Variants in NRXN3 observed in about 807,000 individuals in gnomAD.
NRXN3 encodes the protein neurexin III.
In NRXN3, 32 loss-of-function variants were observed where a neutral mutation model predicts 137.6. The ratio of observed to expected loss-of-function variants is 0.23; its 90% CI spans 0.18 to 0.31. The LOEUF (loss-of-function observed/expected upper bound fraction) is 0.31. NRXN3 is among the 10% of genes least tolerant of loss of function. NRXN3 has a pLI of 1.00. For missense variants in NRXN3, 1,574 were observed against 2,062.5 expected, an observed-to-expected ratio of 0.76 and a Z score of 4.59; for synonymous variants, 798 against 784.5, an observed-to-expected ratio of 1.02 and a Z score of -0.29.
At chr14:78,528,889 T>C (rs987467845) in intron 4 of NRXN3, among the ~76,000 whole-genome samples, 13 of 152,158 alleles carry the variant, frequency 8.5e-5, no homozygotes, top group Non-Finnish European at 1.8e-4. Flanking sequence ...CCCCCTTAAA[T>C]TTTCTGCCTG....
At chr14:78,701,216 G>A (rs1158034389) in intron 6 of NRXN3, among the ~76,000 whole-genome samples, 2 of 152,194 alleles carry the variant, frequency 1.3e-5, no homozygotes, top group African/African-American at 2.4e-5. Flanking sequence ...ATTCAATAAG[G>A]CAAAGGGTCA....
intron 4 of NRXN3, among the ~76,000 whole-genome samples, chr14:78,495,474 A>G (rs973647796): frequency 3.3e-5 from 5 of 152,180 alleles, no homozygotes; most frequent in Non-Finnish European, 4.4e-5. Context: ...TTGGTTGAAC[A>G]CACACTATGT....
chr14:79,052,138 G>T (rs554190908), intron 15 of NRXN3, among the ~76,000 whole-genome samples: 4 of 152,244 alleles, frequency 2.6e-5, no homozygotes, highest in African/African-American at 9.6e-5. Flanking sequence ...ATGCAGTTGG[G>T]CAGAGCTGCC....
At chr14:79,631,298 A>G (rs2098342072) in intron 16 of NRXN3, among the ~76,000 whole-genome samples, 1 of 152,270 alleles carries the variant, frequency 6.6e-6, no homozygotes, top group Admixed American at 6.5e-5. Context: ...GAGAGGTGAC[A>G]ACGTGCTAGC....
intron 16 of NRXN3, among the ~76,000 whole-genome samples, chr14:79,516,412 T>C (rs956040846): frequency 2.6e-5 from 4 of 152,166 alleles, no homozygotes; most frequent in Admixed American, 2.6e-4. Flanking sequence ...AAATTGTCAC[T>C]GGCTGCTCAA....
At chr14:78,694,215 C>G (rs2098202624) in intron 6 of NRXN3, among the ~76,000 whole-genome samples, 1 of 151,964 alleles carries the variant, frequency 6.6e-6, no homozygotes, top group African/African-American at 2.4e-5. Context: ...GTCTCCTCTT[C>G]TAAAAGAAGG....
At chr14:79,854,577 A>G (rs1393782926) in intron 20 of NRXN3, among the ~76,000 whole-genome samples, 1 of 152,178 alleles carries the variant, frequency 6.6e-6, no homozygotes, top group Non-Finnish European at 1.5e-5. Context: ...CCACCCAAAG[A>G]AAGCCTGGCC....
intron 15 of NRXN3, among the ~76,000 whole-genome samples, chr14:79,273,485 T>C (rs2153429579): frequency 6.6e-6 from 1 of 150,890 alleles, no homozygotes; most frequent in East Asian, 2.0e-4. Context: ...ATACAAAACA[T>C]TAGCCAGGCG....
At chr14:79,645,368 C>T (rs1429285045) in intron 16 of NRXN3, among the ~76,000 whole-genome samples, 2 of 134,770 alleles carry the variant, frequency 1.5e-5, no homozygotes, top group African/African-American at 4.9e-5. Context: ...ATAATCCCAG[C>T]ATTTTGGGAG....
chr14:78,714,949 G>T lies in NRXN3; in HGVS notation c.1854G>T (p.Gly618=). The change falls in exon 8 of 21, where the codon GGG becomes GGT. Residue 618 remains glycine (G), a synonymous_variant. Coordinates refer to ENST00000335750, the MANE Select transcript of NRXN3 (RefSeq NM_001330195.2). ...GCATCCGCGACCTATTCATTGATGG[G>T]CGCAGCAAGAACATTCGACAGCTGG... ...VGCIRDLFID[G]RSKNIRQLAE... is the part of the protein sequence containing the mutation. The T allele has an allele frequency of 6.2e-7, 1 of 1,614,166 alleles. No homozygotes were observed. Among genetic ancestry groups the T allele is most frequent in the Non-Finnish European group, 8.5e-7 (1 of 1,180,032 alleles).
chr14:78,255,707 T>C (rs2069459464), intron 2 of NRXN3, among the ~76,000 whole-genome samples: 1 of 152,252 alleles, frequency 6.6e-6, no homozygotes, highest in Non-Finnish European at 1.5e-5. Flanking sequence ...ACTTACAGGC[T>C]TGTTTGCTAA....
chr14:79,773,236 A>T (rs1010518399), intron 19 of NRXN3, among the ~76,000 whole-genome samples: 8 of 152,204 alleles, frequency 5.3e-5, no homozygotes, highest in Middle Eastern at 6.8e-3. Flanking sequence ...CTCAGGGATC[A>T]AGAACTAGAA....
At chr14:78,428,716 A>G (rs971338899) in intron 4 of NRXN3, among the ~76,000 whole-genome samples, 5 of 152,174 alleles carry the variant, frequency 3.3e-5, no homozygotes, top group Non-Finnish European at 7.3e-5. Flanking sequence ...CAGGTCTGAG[A>G]TTGAGGAAGA....
At chr14:78,813,681 CTA>C (rs35721025) in intron 10 of NRXN3, among the ~76,000 whole-genome samples, 11,848 of 151,924 alleles carry the variant, frequency 0.078, 608 homozygotes, top group South Asian at 0.13. Flanking sequence ...TGTTCATCTG[CTA>C]TAAAATGTTG....
At chr14:79,016,807 T>A (rs1359529759) in intron 15 of NRXN3, among the ~76,000 whole-genome samples, 1 of 152,154 alleles carries the variant, frequency 6.6e-6, no homozygotes, top group African/African-American at 2.4e-5. Context: ...CAGCCAAGGC[T>A]CCTGGGTCTA....
chr14:78,967,097 T>C, intron 12 of NRXN3, 111 bp from the exon 13 acceptor site: 3 of 814,220 alleles, frequency 3.7e-6, no homozygotes, highest in Non-Finnish European at 5.7e-6. Flanking sequence ...TCCTGCATTA[T>C]GCCAGTTTAG....
At chr14:79,462,324 G>A (rs1310189325) in intron 15 of NRXN3, among the ~76,000 whole-genome samples, 1 of 152,014 alleles carries the variant, frequency 6.6e-6, no homozygotes, top group African/African-American at 2.4e-5. Context: ...AGTGAGCCAA[G>A]ATCATGCCAT....
intron 16 of NRXN3, among the ~76,000 whole-genome samples, chr14:79,616,047 C>A (rs1173827382): frequency 6.6e-6 from 1 of 152,118 alleles, no homozygotes; most frequent in Non-Finnish European, 1.5e-5. Flanking sequence ...AGAACTTGAT[C>A]ATTGAGAGTC....
chr14:78,491,488 G>A (rs907440634), intron 4 of NRXN3, among the ~76,000 whole-genome samples: 2 of 152,180 alleles, frequency 1.3e-5, no homozygotes, highest in Non-Finnish European at 2.9e-5. Flanking sequence ...TGTTGGATTG[G>A]AATGTATTCT....
Sources: gnomAD v4.1 joint callset for allele counts (sites outside exome capture counted in the v4.1 genomes callset) on GRCh38, gnomAD v4.1.1 for gene constraint, MANE v1.5 for transcripts, NCBI Gene and HGNC (gene_info 2026-07-23, HGNC 2026-07-21) for gene names.